The following SLA2 variants were observed in gnomAD, a reference collection of about 807,000 sequenced individuals.
SLA2 encodes Src like adaptor 2, also known as src-like-adapter 2.
Under a neutral mutation model 27.3 loss-of-function variants are expected in SLA2, and 22 were observed. The ratio of observed to expected loss-of-function variants is 0.81; its 90% CI spans 0.58 to 1.15. The LOEUF is 1.15. Among genes scored for constraint, SLA2 ranks in the 50% most tolerant of loss-of-function variants. SLA2 has a pLI of 0.00. For synonymous variants in SLA2, 131 were observed against 137.8 expected, an observed-to-expected ratio of 0.95 and a Z score of 0.34; for missense variants, 304 against 322.2, an observed-to-expected ratio of 0.94 and a Z score of 0.43.
At chr20:36,641,195 G>A (rs753522809) in intron 2 of SLA2, 50 bp downstream of exon 2, 1 of 1,493,392 alleles carries the variant, frequency 6.7e-7, no homozygotes, top group African/African-American at 1.4e-5. Flanking sequence ...AGGCAGTGAA[G>A]TCTAGTACTG....
At chr20:36,619,888 T>A (rs1277328043) in intron 5 of SLA2, among the ~76,000 whole-genome samples, 2 of 149,654 alleles carry the variant, frequency 1.3e-5, no homozygotes, top group African/African-American at 2.4e-5. Context: ...TGTCTCGGCC[T>A]CCCAAAGTGC....
At chr20:36,617,259 T>A (rs1028128742) in intron 5 of SLA2, among the ~76,000 whole-genome samples, 1 of 148,622 alleles carries the variant, frequency 6.7e-6, no homozygotes, top group African/African-American at 2.5e-5. Context: ...CCCAGCTACT[T>A]GGGAGGTTGA....
intron 5 of SLA2, among the ~76,000 whole-genome samples, chr20:36,626,038 G>A (rs1016912569): frequency 6.6e-6 from 1 of 152,052 alleles, no homozygotes; most frequent in Non-Finnish European, 1.5e-5. Context: ...GCCAAGGTGG[G>A]TGGATCACTT....
At chr20:36,637,682 A>G (rs2039466117) in intron 2 of SLA2, among the ~76,000 whole-genome samples, 1 of 122,612 alleles carries the variant, frequency 8.2e-6, no homozygotes, top group African/African-American at 3.2e-5. Flanking sequence ...GCTGGAGTGC[A>G]GTGGCATGAT....
chr20:36,627,922 C>A (rs980715372), intron 5 of SLA2, among the ~76,000 whole-genome samples: 2 of 152,162 alleles, frequency 1.3e-5, no homozygotes, highest in Admixed American at 1.3e-4. Context: ...TGCCTTTGGG[C>A]CAATGAAAAG....
chr20:36,639,007 C>T (rs1347350277), intron 2 of SLA2, among the ~76,000 whole-genome samples: 1 of 152,038 alleles, frequency 6.6e-6, no homozygotes, highest in African/African-American at 2.4e-5. Context: ...CCACCATGCT[C>T]GGCTAATTTT....
intron 5 of SLA2, among the ~76,000 whole-genome samples, chr20:36,625,257 T>C (rs573226618): frequency 1.8e-4 from 26 of 146,124 alleles, no homozygotes; most frequent in African/African-American, 6.7e-4. Flanking sequence ...AGTTTTGCTC[T>C]TGTTGCCCAG....
rs2039488143 is a variant in SLA2, at chr20:36,639,706, A to G, written c.91+1539T>C. Among the ~76,000 whole-genome samples, 2 of 151,804 alleles carry G rather than the reference A, an allele frequency of 1.3e-5. 1 individual carries two copies. Among genetic ancestry groups the G allele is most frequent in the South Asian group, 4.1e-4 (2 of 4,820 alleles). On this transcript the variant is annotated intron_variant, in intron 2 of 7. Coordinates refer to ENST00000262866, the MANE Select transcript of SLA2 (RefSeq NM_032214.4). ...GTCTCTACTAAAAATACAAAAAAAA[A>G]AAAAATTAGCCAGGCGTGGTGGCGG...
intron 2 of SLA2, among the ~76,000 whole-genome samples, chr20:36,635,036 G>T (rs759321204): frequency 6.6e-6 from 1 of 151,936 alleles, no homozygotes; most frequent in African/African-American, 2.4e-5. Context: ...TTGCTATGTT[G>T]CCCAGGACAC....
intron 5 of SLA2, chr20:36,621,464 A>G: frequency 9.4e-6 from 4 of 425,968 alleles, no homozygotes; most frequent in South Asian, 7.5e-5. Context: ...TTTTTTTGAG[A>G]CGGAGTCTTG....
Position 36,628,958 on chromosome 20 carries a change from C to CT in SLA2, c.382+3636dup, listed in dbSNP as rs201938045. ...TCTTCTTTCTTTTCTCCTCCCCCAA[C>CT]TAACATTTTTCATCTTCCTCTTTGA... On this transcript the variant is annotated intron_variant, in intron 5 of 7. Coordinates refer to ENST00000262866, the MANE Select transcript of SLA2 (RefSeq NM_032214.4). Among the ~76,000 whole-genome samples, 668 of 152,160 alleles carry CT rather than the reference C, an allele frequency of 4.4e-3. 5 individuals carry two copies. Among genetic ancestry groups the CT allele is most frequent in the African/African-American group, 0.015 (628 of 41,512 alleles).
intron 5 of SLA2, 152 bp downstream of exon 5, chr20:36,632,443 G>C (rs1384879915): frequency 1.6e-6 from 1 of 626,946 alleles, no homozygotes; most frequent in African/African-American, 1.8e-5. Flanking sequence ...GTTCATATGG[G>C]CAGGACACGG....
rs572315621 is a variant in SLA2 at position 36,614,675 on chromosome 20, C to T, written c.533-238G>A. On this transcript the variant is annotated intron_variant, in intron 6 of 7. Transcript: ENST00000262866. ...GGTGAGTTCATGGACCTCTTGAGCT[C>T]AAGTTTCTGGTTAGGAAATTGCTTT... The T allele has an allele frequency of 7.1e-6, 7 of 985,406 alleles. No homozygotes were observed. The East Asian group carries it at 6.8e-4, about 96-fold the overall frequency. The allele number at this position is 985,406 out of a possible 1,614,324, so 61.0% of individuals were successfully genotyped here.
intron 5 of SLA2, among the ~76,000 whole-genome samples, chr20:36,619,796 ATT>A (rs59590840): frequency 6.7e-6 from 1 of 149,246 alleles, no homozygotes; most frequent in South Asian, 2.2e-4. Context: ...ACACGTGGCT[ATT>A]TTTTTTTGTA....
At chr20:36,614,155 C>T (rs1166553384) in intron 7 of SLA2, 150 bp downstream of exon 7, 1 of 1,467,064 alleles carries the variant, frequency 6.8e-7, no homozygotes, top group African/African-American at 1.4e-5. Flanking sequence ...CGAGCCTGGG[C>T]CGTGCTCCAG....
intron 5 of SLA2, among the ~76,000 whole-genome samples, chr20:36,618,156 A>C (rs551676515): frequency 6.6e-6 from 1 of 152,300 alleles, no homozygotes; most frequent in Non-Finnish European, 1.5e-5. Flanking sequence ...CAAAAAAAAA[A>C]AAAAAGGCTA....
intron 5 of SLA2, among the ~76,000 whole-genome samples, chr20:36,627,556 G>A (rs1188695931): frequency 6.6e-6 from 1 of 152,202 alleles, no homozygotes; most frequent in Admixed American, 6.5e-5. Flanking sequence ...AGCCCTGCAG[G>A]GGCAGGAACC....
chr20:36,640,952 G>T (rs1216679836), intron 2 of SLA2, among the ~76,000 whole-genome samples: 2 of 152,174 alleles, frequency 1.3e-5, no homozygotes, highest in South Asian at 2.1e-4. Flanking sequence ...AAGGAGGGAA[G>T]CCTTGGGAAA....
chr20:36,622,441 A>AT (rs1286563414), intron 5 of SLA2, among the ~76,000 whole-genome samples: 3 of 143,212 alleles, frequency 2.1e-5, no homozygotes, highest in African/African-American at 3.0e-5. Flanking sequence ...ACCCTTCATG[A>AT]TTAAAAAAAA....
Sources: gnomAD v4.1 joint callset for allele counts (sites outside exome capture counted in the v4.1 genomes callset) on GRCh38, gnomAD v4.1.1 for gene constraint, MANE v1.5 for transcripts, NCBI Gene and HGNC (gene_info 2026-07-23, HGNC 2026-07-21) for gene names.